BAAT: variants seen among roughly 807,000 people sequenced by gnomAD.
The protein encoded by BAAT is bile acid CoA: amino acid N-acyltransferase (glycine N-choloyltransferase).
Under a neutral mutation model 18.9 loss-of-function variants are expected in BAAT, and 13 were observed. The ratio of observed to expected loss-of-function variants is 0.69; its 90% CI spans 0.45 to 1.10. The LOEUF is 1.10. Among genes scored for constraint, BAAT ranks in the 50% least tolerant of loss-of-function variants. The pLI, the probability that BAAT is intolerant of heterozygous loss-of-function variation, is 0.00. For synonymous variants in BAAT, 170 were observed against 190.7 expected (o/e 0.89, Z 0.89); for missense variants, 489 against 504.0 (o/e 0.97, Z 0.28).
At position 101,362,589 on chromosome 9, in the gene BAAT, G is replaced by A. The variant is rs759178623; in HGVS notation, c.1096C>T (p.Pro366Ser). The A allele has an allele frequency of 3.1e-6, 5 of 1,614,004 alleles. No homozygotes were observed. Among genetic ancestry groups the A allele is most frequent in the Admixed American group, 1.7e-5 (1 of 59,986 alleles). ...SYPGAGHLIE[P>S]PYSPLCCAST... ...GCACAGCACAGAGGAGAATAGGGAG[G>A]TTCTATCAGGTGGCCTGCCCCAGGG... Residue 366 changes from proline to serine, a missense_variant, in exon 4 of 4, where the codon CCT becomes TCT. Transcript: ENST00000259407.
intron 3 of BAAT, among the ~76,000 whole-genome samples, chr9:101,366,603 C>A (rs984131603): frequency 7.9e-5 from 12 of 151,988 alleles, no homozygotes; most frequent in African/African-American, 2.9e-4. Flanking sequence ...GAGGCAAAGA[C>A]CGTGAAAAAA....
At chr9:101,376,000 C>T (rs1830037640) in intron 1 of BAAT, 1 of 152,946 alleles carries the variant, frequency 6.5e-6, no homozygotes, top group Non-Finnish European at 1.5e-5. Flanking sequence ...ACTACGTTAT[C>T]CAGCAGTTGC....
rs756202882 is a variant in BAAT at position 101,370,930 on chromosome 9, T to G, written c.466+9A>C. The G allele has an allele frequency of 2.5e-6, 4 of 1,613,128 alleles. No homozygotes were observed. The South Asian group carries it at 4.4e-5, about 18-fold the overall frequency. ...CAAGAATAACAATAAGCAGAGTAATTCTACTCACCTGGAGGGAGAAAGAGA... is the reference window on the plus strand; with the variant it reads ...CAAGAATAACAATAAGCAGAGTAATGCTACTCACCTGGAGGGAGAAAGAGA... On this transcript the variant is annotated intron_variant, in intron 2 of 3. Transcript: ENST00000259407.
chr9:101,369,502 G>A (rs541146033), intron 2 of BAAT, among the ~76,000 whole-genome samples: 13 of 152,176 alleles, frequency 8.5e-5, no homozygotes, highest in African/African-American at 2.2e-4. Context: ...TTGTTCCCCC[G>A]ATAGAAAACA....
chr9:101,377,406 C>T (rs1830064787), intron 1 of BAAT, among the ~76,000 whole-genome samples: 1 of 152,200 alleles, frequency 6.6e-6, no homozygotes. Flanking sequence ...AAAAGGCCCA[C>T]ATCCCTTGGC....
In BAAT at chr9:101,366,178, T is replaced by C. The variant is rs578256016; in HGVS notation, c.669+1942A>G. ...TATATAAGATAGAGAGCGACAGTTATGTTAAGGAAAGATGGGAACTCAGAG... is the reference window on the plus strand; with the variant it reads ...TATATAAGATAGAGAGCGACAGTTACGTTAAGGAAAGATGGGAACTCAGAG... On this transcript the variant is annotated intron_variant, in intron 3 of 3. Coordinates refer to ENST00000259407, the MANE Select transcript of BAAT (RefSeq NM_001701.4). 4.6e-5 allele frequency among the ~76,000 whole-genome samples: 7 copies of C among 152,074 alleles called. No homozygotes were observed. The South Asian group carries it at 1.2e-3, about 27-fold the overall frequency.
chr9:101,371,380 C>T lies in BAAT; in HGVS notation c.25G>A (p.Val9Met), dbSNP rs552525897. The T allele has an allele frequency of 7.4e-6, 12 of 1,612,246 alleles. No individual in the cohort carries two copies. The Admixed American group carries it at 1.7e-4, about 22-fold the overall frequency. Reference protein sequence around the residue: MIQLTATPVSALVDEPVHI... With the variant: MIQLTATPMSALVDEPVHI... ...ACTGGCTCATCAACAAGTGCACTCA[C>T]AGGGGTAGCTGTCAACTGGATCATT... The change falls in exon 2 of 4, where the codon GTG (valine) becomes ATG (methionine). Residue 9 changes from valine to methionine, a missense_variant. By Grantham distance (21) the Val-to-Met change is conservative (BLOSUM62 1). Coordinates refer to ENST00000259407, the MANE Select transcript of BAAT (RefSeq NM_001701.4).
At chr9:101,373,353 A>G (rs1829988956) in intron 1 of BAAT, among the ~76,000 whole-genome samples, 1 of 152,210 alleles carries the variant, frequency 6.6e-6, no homozygotes, top group African/African-American at 2.4e-5. Flanking sequence ...AAAGACTAGA[A>G]TTTATTTTTA....
intron 1 of BAAT, among the ~76,000 whole-genome samples, chr9:101,375,106 C>T (rs1018781794): frequency 6.6e-6 from 1 of 152,168 alleles, no homozygotes; most frequent in Non-Finnish European, 1.5e-5. Context: ...GTTGTTCCCC[C>T]CCATACTGTT....
chr9:101,380,568 C>T (rs1354996834), intron 1 of BAAT, among the ~76,000 whole-genome samples: 1 of 152,120 alleles, frequency 6.6e-6, no homozygotes, highest in Non-Finnish European at 1.5e-5. Context: ...AGAGAAAAAG[C>T]TAGGTAGAAG....
rs1257138784 is a variant in BAAT at position 101,371,188 on chromosome 9, C to T, written c.217G>A (p.Val73Ile). The T allele has an allele frequency of 2.5e-6, 4 of 1,614,176 alleles. No individual in the cohort carries two copies. The East Asian group carries it at 6.7e-5, about 27-fold the overall frequency. Residue 73 changes from valine (V) to isoleucine (I), a missense_variant, in exon 2 of 4, where the codon GTC becomes ATC. By Grantham distance (29) the Val-to-Ile change is conservative (BLOSUM62 3). Transcript: ENST00000259407. Reference protein sequence around the residue: ...ASSLGGDYMGVHPMGLFWSLK... With the variant: ...ASSLGGDYMGIHPMGLFWSLK... ...GACCAGAAGAGACCCATGGGGTGGA[C>T]TCCCATATAATCCCCTCCAAGTGAA... is the stretch of plus-strand genomic sequence containing the variant.
Position 101,362,475 on chromosome 9 carries a change from T to G in BAAT, c.1210A>C (p.Arg404=), listed in dbSNP as rs546863040. ...AQEHAWKEIQ[R]FLRKHLIPDV... ...GGAATGAGGTGCTTCCTGAGAAATC[T>G]CTGGATCTCCTTCCAAGCATGTTCC... is the stretch of plus-strand genomic sequence containing the variant. Residue 404 remains arginine, a synonymous_variant, in exon 4 of 4, where the codon AGA becomes CGA. Transcript: ENST00000259407. 68 of 1,613,994 alleles carry G rather than the reference T, an allele frequency of 4.2e-5. No homozygotes were observed. Among genetic ancestry groups the G allele is most frequent in the Non-Finnish European group, 5.1e-5 (60 of 1,180,014 alleles).
At chr9:101,367,191 T>C (rs184936212) in intron 3 of BAAT, among the ~76,000 whole-genome samples, 2 of 150,472 alleles carry the variant, frequency 1.3e-5, no homozygotes, top group African/African-American at 4.9e-5. Context: ...TCCAACTCTA[T>C]CCCATATCAT....
At chr9:101,363,259 T>C (rs943743701) in intron 3 of BAAT, among the ~76,000 whole-genome samples, 9 of 152,192 alleles carry the variant, frequency 5.9e-5, no homozygotes, top group Non-Finnish European at 1.2e-4. Context: ...GAGTTTAAAA[T>C]GCCCTAAAGA....
In BAAT at chr9:101,371,445, T is replaced by G; in HGVS notation, c.-41A>C. 1.3e-6 allele frequency: 2 copies of G among 1,571,938 alleles called. No individual in the cohort carries two copies. Among genetic ancestry groups the G allele is most frequent in the Non-Finnish European group, 1.7e-6 (2 of 1,154,980 alleles). On this transcript the variant is annotated 5_prime_UTR_variant, in exon 2 of 4. Coordinates refer to ENST00000259407, the MANE Select transcript of BAAT (RefSeq NM_001701.4). ...CCTGGGATGATTCTTCAGGAATATC[T>G]TCAGCAAAACCTCAAAACCTCAAAA... is the stretch of plus-strand genomic sequence containing the variant.
chr9:101,367,539 C>T (rs1363186963), intron 3 of BAAT, among the ~76,000 whole-genome samples: 3 of 149,822 alleles, frequency 2.0e-5, no homozygotes, highest in Non-Finnish European at 4.4e-5. Flanking sequence ...GGCTGGAGTA[C>T]AGTGGCAGGA....
At chr9:101,382,512 C>T (rs1275396259) in intron 1 of BAAT, among the ~76,000 whole-genome samples, 2 of 152,128 alleles carry the variant, frequency 1.3e-5, no homozygotes, top group African/African-American at 2.4e-5. Flanking sequence ...CATATAAAAT[C>T]CTAGGTTCAA....
At chr9:101,376,344 T>A in intron 1 of BAAT, 1 of 208,162 alleles carries the variant, frequency 4.8e-6, no homozygotes, top group Non-Finnish European at 1.1e-5. Flanking sequence ...CATAAAGCTG[T>A]CTCTTTCCAG....
At chr9:101,378,043 C>G (rs1830075427) in intron 1 of BAAT, among the ~76,000 whole-genome samples, 1 of 152,104 alleles carries the variant, frequency 6.6e-6, no homozygotes, top group Non-Finnish European at 1.5e-5. Flanking sequence ...ATACAGCTTA[C>G]AAGGGAAGTG....
Sources: gnomAD v4.1 joint callset for allele counts (sites outside exome capture counted in the v4.1 genomes callset) on GRCh38, gnomAD v4.1.1 for gene constraint, MANE v1.5 for transcripts, NCBI Gene and HGNC (gene_info 2026-07-23, HGNC 2026-07-21) for gene names.